Variants in COG6 observed in about 807,000 individuals in gnomAD.
COG6 encodes the protein component of oligomeric golgi complex 6.
A neutral mutation model predicts 88.8 loss-of-function variants in COG6; 74 were observed. The ratio of observed to expected loss-of-function variants is 0.83; its 90% CI spans 0.69 to 1.01. The LOEUF is 1.01. COG6 is among the 50% of genes least tolerant of loss of function. The pLI is 0.00. For missense variants in COG6, 800 were observed against 797.9 expected (o/e 1.00, Z -0.03); for synonymous variants, 286 against 278.7 (o/e 1.03, Z -0.26).
At chr13:39,663,752 G>A (rs1260026353) in intron 3 of COG6, among the ~76,000 whole-genome samples, 1 of 152,036 alleles carries the variant, frequency 6.6e-6, no homozygotes, top group Admixed American at 6.6e-5. Flanking sequence ...GCCAGGCATG[G>A]TGGCACATGC....
chr13:39,658,033 A>G (rs1042507243), intron 1 of COG6, among the ~76,000 whole-genome samples: 5 of 151,378 alleles, frequency 3.3e-5, no homozygotes, highest in African/African-American at 1.2e-4. Context: ...GTCAAGCAAG[A>G]AGCATATGAA....
chr13:39,768,269 C>T (rs1161102169), intron 18 of COG6, among the ~76,000 whole-genome samples: 2 of 152,342 alleles, frequency 1.3e-5, no homozygotes, highest in East Asian at 3.9e-4. Flanking sequence ...CTCACTGGCA[C>T]TTACTTGCTG....
At chr13:39,741,456 C>T (rs574145353) in intron 18 of COG6, among the ~76,000 whole-genome samples, 2 of 152,078 alleles carry the variant, frequency 1.3e-5, no homozygotes, top group African/African-American at 2.4e-5. Flanking sequence ...AACTATGTGA[C>T]GCATGCACAA....
intron 4 of COG6, among the ~76,000 whole-genome samples, chr13:39,674,822 C>T (rs946521919): frequency 3.3e-5 from 5 of 152,056 alleles, no homozygotes; most frequent in Admixed American, 2.0e-4. Flanking sequence ...ACTTAGTAGC[C>T]GTCTCAGTTA....
At chr13:39,722,536 A>G (rs1310345309) in intron 15 of COG6, among the ~76,000 whole-genome samples, 1 of 151,446 alleles carries the variant, frequency 6.6e-6, no homozygotes, top group Admixed American at 6.6e-5. Flanking sequence ...CTATGTCATT[A>G]GCAAGCAAAC....
rs754519619 is a variant in COG6, at chr13:39,764,940, T to C, written c.1827-23395T>C. ...TTAATCTGCATAGTGTATCAGCTAC[T>C]GAGAGATACTTGTTAAATAACTATG... On this transcript the variant is annotated intron_variant, in intron 18 of 18. Coordinates refer to the COG6 transcript ENST00000416691. Among the ~76,000 whole-genome samples the C allele has an allele frequency of 2.0e-5, 3 of 152,310 alleles. No individual in the cohort carries two copies. In the South Asian group the frequency reaches 6.2e-4, roughly 32 times the overall value.
At position 39,671,149 on chromosome 13, in the gene COG6, G is replaced by A. The variant is rs551633530; in HGVS notation, c.428+5995G>A. Among the ~76,000 whole-genome samples, 3 of 152,030 alleles carry A rather than the reference G, an allele frequency of 2.0e-5. No homozygotes were observed. The South Asian group carries it at 6.2e-4, about 32-fold the overall frequency. ...AACTTTATTTCAGTCACACATATTG[G>A]ACTGGAAATAAAAATTTGGGGGTAA... On this transcript the variant is annotated intron_variant, in intron 4 of 18. Transcript: ENST00000455146.
chr13:39,761,605 A>G (rs1442366284), intron 18 of COG6, among the ~76,000 whole-genome samples: 1 of 152,026 alleles, frequency 6.6e-6, no homozygotes, highest in Non-Finnish European at 1.5e-5. Context: ...CAACCTTCAG[A>G]AGATATTTGC....
At chr13:39,710,186 G>A (rs1053325800) in intron 13 of COG6, among the ~76,000 whole-genome samples, 4 of 151,976 alleles carry the variant, frequency 2.6e-5, no homozygotes, top group African/African-American at 4.8e-5. Flanking sequence ...ACCTTTCATA[G>A]TGTTCAGGCC....
At chr13:39,709,659 T>C (rs1402277418) in intron 13 of COG6, among the ~76,000 whole-genome samples, 3 of 152,126 alleles carry the variant, frequency 2.0e-5, no homozygotes, top group Non-Finnish European at 4.4e-5. Context: ...TGAGTGTATG[T>C]GTATATATAT....
At chr13:39,663,368 A>G (rs995332664) in intron 3 of COG6, among the ~76,000 whole-genome samples, 1 of 152,190 alleles carries the variant, frequency 6.6e-6, no homozygotes, top group African/African-American at 2.4e-5. Flanking sequence ...AAAAGCTAGT[A>G]AAGGTTTTTT....
Position 39,752,374 on chromosome 13 carries a change from C to G in COG6, c.*1281C>G, listed in dbSNP as rs1227468043. 8 of 950,114 alleles carry G rather than the reference C, an allele frequency of 8.4e-6. No homozygotes were observed. In the African/African-American group the frequency reaches 1.2e-4, roughly 14 times the overall value. The allele number at this position is 950,114 out of a possible 1,614,324, so 58.9% of individuals were successfully genotyped here. On this transcript the variant is annotated 3_prime_UTR_variant, in exon 19 of 19. Coordinates refer to ENST00000455146, the MANE Select transcript of COG6 (RefSeq NM_020751.3). ...ATAATTGTTTATACCTAATACAGTTCTTTTTGGAGTAAGAATGATTATATA... is the reference window on the plus strand; with the variant it reads ...ATAATTGTTTATACCTAATACAGTTGTTTTTGGAGTAAGAATGATTATATA...
At chr13:39,718,539 T>A (rs558332810) in intron 13 of COG6, among the ~76,000 whole-genome samples, 1 of 152,144 alleles carries the variant, frequency 6.6e-6, no homozygotes, top group African/African-American at 2.4e-5. Flanking sequence ...GGCATGTTAC[T>A]CAGCCATGCA....
intron 15 of COG6, among the ~76,000 whole-genome samples, chr13:39,721,095 C>G (rs535735361): frequency 6.6e-6 from 1 of 151,960 alleles, no homozygotes; most frequent in Non-Finnish European, 1.5e-5. Context: ...TAAGAAATGT[C>G]ACTTTTTTAT....
rs546101107 is a variant in COG6 at position 39,732,322 on chromosome 13, T to G, written c.1826+4774T>G. ...ACTGCCTTCCGGAACAAAACATACA[T>G]ACTTAAAGATGACAGTTACAGACAA... On this transcript the variant is annotated intron_variant, in intron 18 of 18. Coordinates refer to ENST00000455146, the MANE Select transcript of COG6 (RefSeq NM_020751.3). Among the ~76,000 whole-genome samples the G allele has an allele frequency of 1.5e-4, 23 of 152,270 alleles. 1 individual carries two copies. The South Asian group carries it at 4.8e-3, about 32-fold the overall frequency.
chr13:39,741,612 C>G (rs1880046706), intron 18 of COG6, among the ~76,000 whole-genome samples: 1 of 151,862 alleles, frequency 6.6e-6, no homozygotes, highest in African/African-American at 2.4e-5. Context: ...TGTGAAAAGA[C>G]CAAATCTACG....
At chr13:39,675,474 T>A (rs1308636103) in intron 4 of COG6, among the ~76,000 whole-genome samples, 1 of 152,202 alleles carries the variant, frequency 6.6e-6, no homozygotes, top group East Asian at 1.9e-4. Context: ...GAATTTATTG[T>A]CACTACTTTT....
intron 18 of COG6, among the ~76,000 whole-genome samples, chr13:39,746,340 C>T (rs1880350608): frequency 6.6e-6 from 1 of 151,836 alleles, no homozygotes; most frequent in African/African-American, 2.4e-5. Context: ...TTCCCGTCAG[C>T]TATGGACTAG....
chr13:39,663,372 G>T (rs182770582), intron 3 of COG6, among the ~76,000 whole-genome samples: 10 of 152,166 alleles, frequency 6.6e-5, no homozygotes, highest in Admixed American at 2.0e-4. Flanking sequence ...GCTAGTAAAG[G>T]TTTTTTGATG....
Sources: allele counts gnomAD v4.1 joint callset (sites outside exome capture counted in the v4.1 genomes callset), GRCh38; gene constraint gnomAD v4.1.1; transcripts MANE v1.5; gene names NCBI Gene and HGNC (gene_info 2026-07-23, HGNC 2026-07-21).